ADARB2: variants seen among roughly 807,000 people sequenced by gnomAD.
The protein encoded by ADARB2 is adenosine deaminase RNA specific B2 (inactive).
In ADARB2, 25 loss-of-function variants were observed where a neutral mutation model predicts 62.2. That is an observed-to-expected ratio of 0.40 (90% CI 0.29 to 0.56). ADARB2 has a LOEUF of 0.56. ADARB2 is among the 20% of genes least tolerant of loss of function. The pLI is 0.43. For synonymous variants in ADARB2, 572 were observed against 500.8 expected, an observed-to-expected ratio of 1.14 and a Z score of -1.90; for missense variants, 1,071 against 1,077.4, an observed-to-expected ratio of 0.99 and a Z score of 0.08.
intron 1 of ADARB2, among the ~76,000 whole-genome samples, chr10:1,472,075 A>G (rs1473765677): frequency 6.6e-6 from 1 of 152,238 alleles, no homozygotes; most frequent in African/African-American, 2.4e-5. Context: ...CAACAAGCAC[A>G]TTGAGCCTCT....
chr10:1,672,156 G>A (rs1371118490), intron 1 of ADARB2, among the ~76,000 whole-genome samples: 1 of 151,818 alleles, frequency 6.6e-6, no homozygotes, highest in Non-Finnish European at 1.5e-5. Context: ...TGGACAGCGG[G>A]TGTGGACAGC....
At chr10:1,190,925 C>G (rs1272424995) in intron 8 of ADARB2, among the ~76,000 whole-genome samples, 1 of 152,216 alleles carries the variant, frequency 6.6e-6, no homozygotes, top group East Asian at 1.9e-4. Flanking sequence ...CGGGACTGGT[C>G]TAAGGACGGA....
At chr10:1,732,632 C>T (rs936464216) in intron 1 of ADARB2, among the ~76,000 whole-genome samples, 7 of 152,216 alleles carry the variant, frequency 4.6e-5, no homozygotes, top group Non-Finnish European at 7.3e-5. Flanking sequence ...AGCCCTTCCT[C>T]TTGAGCTGTC....
chr10:1,234,304 C>G (rs891080315), intron 5 of ADARB2, among the ~76,000 whole-genome samples: 1 of 151,716 alleles, frequency 6.6e-6, no homozygotes, highest in Non-Finnish European at 1.5e-5. Flanking sequence ...GTTTCTCCTT[C>G]TTCACACCCC....
At chr10:1,495,707 A>C (rs892584643) in intron 1 of ADARB2, among the ~76,000 whole-genome samples, 2 of 145,864 alleles carry the variant, frequency 1.4e-5, no homozygotes, top group Non-Finnish European at 3.1e-5. Flanking sequence ...CACCATACTT[A>C]TTAATATAAT....
chr10:1,404,380 C>T (rs1832688947), intron 1 of ADARB2, among the ~76,000 whole-genome samples: 1 of 152,210 alleles, frequency 6.6e-6, no homozygotes, highest in Non-Finnish European at 1.5e-5. Flanking sequence ...CTGAGATGCC[C>T]CTCAGTGCCC....
intron 4 of ADARB2, among the ~76,000 whole-genome samples, chr10:1,257,739 C>A (rs923930257): frequency 6.6e-6 from 1 of 152,134 alleles, no homozygotes; most frequent in Admixed American, 6.5e-5. Flanking sequence ...TGTGAATTAC[C>A]CCCAGGTTCC....
chr10:1,516,783 G>GT (rs1832014741), intron 1 of ADARB2, among the ~76,000 whole-genome samples: 1 of 152,238 alleles, frequency 6.6e-6, no homozygotes, highest in Non-Finnish European at 1.5e-5. Context: ...AGGATAATCG[G>GT]TAAAGTGACA....
At position 1,647,778 on chromosome 10, in the gene ADARB2, GTA is replaced by G. The variant is rs766930150; in HGVS notation, c.100+89271_100+89272del. Among the ~76,000 whole-genome samples the G allele has an allele frequency of 2.7e-5, 4 of 150,716 alleles. No homozygotes were observed. In the East Asian group the frequency reaches 7.7e-4, roughly 29 times the overall value. Reference sequence around the variant, plus strand: ...TATATGTTGTGTATGTGTGGTGTGTGTATATATGTGTATGCATGTGTATATGT... The same window carrying G: ...TATATGTTGTGTATGTGTGGTGTGTGTATATGTGTATGCATGTGTATATGT... On this transcript the variant is annotated intron_variant, in intron 1 of 9. Transcript: ENST00000381312.
chr10:1,203,930 G>A (rs1038209363), intron 7 of ADARB2, among the ~76,000 whole-genome samples: 2 of 152,288 alleles, frequency 1.3e-5, no homozygotes, highest in Admixed American at 6.5e-5. Context: ...GAACTCTGGG[G>A]TGAGGCCCGG....
chr10:1,728,657 A>G (rs1474788579), intron 1 of ADARB2, among the ~76,000 whole-genome samples: 1 of 152,238 alleles, frequency 6.6e-6, no homozygotes. Context: ...AGGTGATTAC[A>G]TAAAATTATA....
chr10:1,234,132 G>A (rs1830838033), intron 5 of ADARB2, among the ~76,000 whole-genome samples: 1 of 151,882 alleles, frequency 6.6e-6, no homozygotes, highest in African/African-American at 2.4e-5. Context: ...GGGATTACAG[G>A]CATGCGCCAC....
At chr10:1,470,049 C>G (rs983680759) in intron 1 of ADARB2, among the ~76,000 whole-genome samples, 7 of 118,954 alleles carry the variant, frequency 5.9e-5, no homozygotes, top group African/African-American at 1.8e-4. Context: ...GAACTGGAGA[C>G]TCCCGGCCCT....
At chr10:1,351,008 C>T (rs1016365520) in intron 3 of ADARB2, among the ~76,000 whole-genome samples, 23 of 152,148 alleles carry the variant, frequency 1.5e-4, no homozygotes, top group African/African-American at 3.9e-4. Context: ...CCCGTTTACC[C>T]GAGAAGCTTG....
intron 1 of ADARB2, among the ~76,000 whole-genome samples, chr10:1,576,013 ATGGGAGGGGGCC>A: frequency 5.0e-5 from 3 of 60,040 alleles, no homozygotes; most frequent in African/African-American, 7.0e-5. Context: ...TTCAGGATCC[ATGGGAGGGGGCC>A]CAGGGCCACT....
chr10:1,219,354 C>T (rs1830661165), intron 6 of ADARB2, among the ~76,000 whole-genome samples: 1 of 152,210 alleles, frequency 6.6e-6, no homozygotes, highest in Non-Finnish European at 1.5e-5. Flanking sequence ...AAGTAATTTC[C>T]AGTGTATTTT....
chr10:1,732,219 ATATG>A (rs1257468982), intron 1 of ADARB2, among the ~76,000 whole-genome samples: 2 of 151,524 alleles, frequency 1.3e-5, no homozygotes, highest in African/African-American at 2.4e-5. Flanking sequence ...TATATATATA[ATATG>A]TATGTGTGTA....
chr10:1,351,572 C>T (rs1237295275), intron 3 of ADARB2, among the ~76,000 whole-genome samples: 2 of 152,096 alleles, frequency 1.3e-5, no homozygotes, highest in Non-Finnish European at 2.9e-5. Flanking sequence ...CCTTTTCCCC[C>T]AGTTCAAAGC....
chr10:1,242,417 G>T, intron 4 of ADARB2, 118 bp from the exon 5 acceptor site: 1 of 1,314,132 alleles, frequency 7.6e-7, no homozygotes, highest in South Asian at 1.5e-5. Context: ...TGGAAACACT[G>T]CGTTTTGAGA....
Sources: allele counts gnomAD v4.1 joint callset (sites outside exome capture counted in the v4.1 genomes callset), GRCh38; gene constraint gnomAD v4.1.1; transcripts MANE v1.5; gene names NCBI Gene and HGNC (gene_info 2026-07-23, HGNC 2026-07-21).